The following RBMS1 variants were observed in gnomAD, a reference collection of about 807,000 sequenced individuals.
RBMS1 encodes the protein RNA-binding motif, single-stranded-interacting protein 1.
Under a neutral mutation model 62.3 loss-of-function variants are expected in RBMS1, and 17 were observed. The ratio of observed to expected loss-of-function variants is 0.27; its 90% CI spans 0.19 to 0.41. RBMS1 has a LOEUF of 0.41. RBMS1 is among the 10% of genes least tolerant of loss of function. The pLI, the probability that RBMS1 is intolerant of heterozygous loss-of-function variation, is 1.00. For synonymous variants in RBMS1, 172 were observed against 170.0 expected, an observed-to-expected ratio of 1.01 and a Z score of -0.09; for missense variants, 334 against 504.5, an observed-to-expected ratio of 0.66 and a Z score of 3.24.
chr2:160,357,814 G>A (rs551453015), intron 2 of RBMS1, among the ~76,000 whole-genome samples: 5 of 152,242 alleles, frequency 3.3e-5, no homozygotes, highest in Admixed American at 2.6e-4. Flanking sequence ...CAAACCGACT[G>A]ACAGTTCTAA....
chr2:160,367,595 T>C, intron 1 of RBMS1: 1 of 927,374 alleles, frequency 1.1e-6, no homozygotes, highest in Non-Finnish European at 1.5e-6. Context: ...GTTTACTAAG[T>C]AAAAGTTCTC....
chr2:160,441,874 C>G (rs1032658953), intron 1 of RBMS1, among the ~76,000 whole-genome samples: 1 of 152,156 alleles, frequency 6.6e-6, no homozygotes, highest in Non-Finnish European at 1.5e-5. Flanking sequence ...GAAATGGCCT[C>G]GAATTATGGC....
chr2:160,392,781 A>G (rs1694934477), intron 1 of RBMS1, among the ~76,000 whole-genome samples: 2 of 152,044 alleles, frequency 1.3e-5, no homozygotes, highest in Non-Finnish European at 2.9e-5. Context: ...GGTCCCAGCT[A>G]TTTGGGTGGC....
intron 9 of RBMS1, chr2:160,284,485 G>A: frequency 2.5e-6 from 1 of 396,758 alleles, no homozygotes; most frequent in South Asian, 2.5e-5. Context: ...GGGACACATG[G>A]TGTCCAAAAG....
intron 1 of RBMS1, among the ~76,000 whole-genome samples, chr2:160,401,019 T>C (rs770775397): frequency 6.6e-6 from 1 of 152,142 alleles, no homozygotes; most frequent in Non-Finnish European, 1.5e-5. Flanking sequence ...TTTTTCTTGA[T>C]AGCCAAAGGA....
intron 2 of RBMS1, among the ~76,000 whole-genome samples, chr2:160,327,463 C>A (rs1691006040): frequency 6.6e-6 from 1 of 152,088 alleles, no homozygotes; most frequent in Admixed American, 6.6e-5. Flanking sequence ...AAATGTATAA[C>A]CTCTCTTCTA....
intron 4 of RBMS1, among the ~76,000 whole-genome samples, chr2:160,306,273 T>C (rs1214292122): frequency 6.6e-6 from 1 of 152,084 alleles, no homozygotes; most frequent in East Asian, 1.9e-4. Flanking sequence ...TAAATCTGTG[T>C]TTTAGTTGCT....
intron 4 of RBMS1, among the ~76,000 whole-genome samples, chr2:160,306,233 T>G (rs537191271): frequency 6.6e-6 from 1 of 151,774 alleles, no homozygotes; most frequent in Non-Finnish European, 1.5e-5. Context: ...GTATGAAGAA[T>G]TTTTAGAAGG....
intron 12 of RBMS1, 95 bp from the exon 13 acceptor site, chr2:160,275,809 C>T (rs1217016266): frequency 6.5e-7 from 1 of 1,541,122 alleles, no homozygotes; most frequent in Non-Finnish European, 8.8e-7. Context: ...GCCTTAAAAA[C>T]AGTTACTCTT....
At chr2:160,400,090 G>C (rs796801443) in intron 1 of RBMS1, among the ~76,000 whole-genome samples, 6 of 152,226 alleles carry the variant, frequency 3.9e-5, no homozygotes, top group African/African-American at 1.2e-4. Context: ...AGCCTCTGCA[G>C]TGCACACCTA....
intron 1 of RBMS1, among the ~76,000 whole-genome samples, chr2:160,467,978 G>A (rs10203107): frequency 0.039 from 5,976 of 152,172 alleles, 358 homozygotes; most frequent in African/African-American, 0.13. Flanking sequence ...CCTCAAGCAG[G>A]TAATTTAATA....
chr2:160,323,992 A>AT (rs1456721739), intron 2 of RBMS1, among the ~76,000 whole-genome samples: 1 of 152,220 alleles, frequency 6.6e-6, no homozygotes, highest in Non-Finnish European at 1.5e-5. Context: ...AAATGTAGGT[A>AT]TATCTCAGTT....
intron 3 of RBMS1, among the ~76,000 whole-genome samples, chr2:160,316,857 C>A (rs373219702): frequency 0.19 from 29,240 of 152,130 alleles, 3,449 homozygotes; most frequent in Admixed American, 0.36. Context: ...TGATCAGCCT[C>A]CTATTTTTAT....
chr2:160,467,701 T>A (rs1684751345), intron 1 of RBMS1, among the ~76,000 whole-genome samples: 1 of 152,150 alleles, frequency 6.6e-6, no homozygotes, highest in Non-Finnish European at 1.5e-5. Flanking sequence ...AACAGTAGGA[T>A]ACACCATTAG....
At chr2:160,448,497 TGTTG>T (rs1243486521) in intron 1 of RBMS1, among the ~76,000 whole-genome samples, 1 of 152,240 alleles carries the variant, frequency 6.6e-6, no homozygotes, top group East Asian at 1.9e-4. Flanking sequence ...GGTTTCCCCG[TGTTG>T]GCCGGGCTGG....
intron 1 of RBMS1, among the ~76,000 whole-genome samples, chr2:160,490,883 C>T (rs535098785): frequency 9.3e-4 from 142 of 152,240 alleles, no homozygotes; most frequent in Middle Eastern, 3.4e-3. Context: ...GCCTAGCAAA[C>T]ACATCACTGT....
Position 160,367,225 on chromosome 2 carries a change from A to C in RBMS1, c.242T>G (p.Leu81Arg). The C allele has an allele frequency of 6.2e-7, 1 of 1,613,326 alleles. No individual in the cohort carries two copies. The highest frequency in any genetic ancestry group is 8.5e-7 in the Non-Finnish European group (1 of 1,179,822). Residue 81 changes from leucine to arginine, a missense_variant, in exon 2 of 14, where the codon CTC (leucine) becomes CGC (arginine). Leu to Arg is a moderately radical substitution (Grantham distance 102). This residue lies in a region of RBMS1 where 150 missense variants were observed against 228.0 expected (regional missense o/e 0.66). Transcript: ENST00000348849. ...PHTTDQDLVK[L>R]CQPYGKIVST... ...AACAACTACTACTTACGGTTGACAG[A>C]GCTTCACCAGGTCCTGGTCGGTGGT... is the stretch of plus-strand genomic sequence containing the variant.
At chr2:160,370,675 G>A (rs1274442399) in intron 1 of RBMS1, among the ~76,000 whole-genome samples, 1 of 152,318 alleles carries the variant, frequency 6.6e-6, no homozygotes. Context: ...CCAGAGCAGA[G>A]CCTTCAAACA....
At chr2:160,307,771 A>G (rs1049934326) in intron 4 of RBMS1, among the ~76,000 whole-genome samples, 2 of 152,238 alleles carry the variant, frequency 1.3e-5, no homozygotes, top group African/African-American at 2.4e-5. Flanking sequence ...CAAAACAAAC[A>G]CTTAAAACCT....
Sources: allele counts gnomAD v4.1 joint callset (sites outside exome capture counted in the v4.1 genomes callset), GRCh38; gene constraint gnomAD v4.1.1; regional missense constraint gnomAD v4.1.1; transcripts MANE v1.5; gene names NCBI Gene and HGNC (gene_info 2026-07-23, HGNC 2026-07-21).